Variants in KCNN3 observed in about 807,000 individuals in gnomAD.
KCNN3 encodes the protein small conductance calcium-activated potassium channel protein 3.
Under a neutral mutation model 62.9 loss-of-function variants are expected in KCNN3, and 16 were observed. That is an observed-to-expected ratio of 0.25 (90% CI 0.17 to 0.39). The LOEUF is 0.39. Ranked by LOEUF, KCNN3 falls within the 10% of genes least tolerant of loss-of-function variation. KCNN3 has a pLI of 1.00. For synonymous variants in KCNN3, 370 were observed against 389.2 expected (o/e 0.95, Z 0.58); for missense variants, 599 against 949.4 (o/e 0.63, Z 4.85).
intron 2 of KCNN3, among the ~76,000 whole-genome samples, chr1:154,810,829 G>A (rs1237192522): frequency 6.6e-6 from 1 of 152,204 alleles, no homozygotes; most frequent in Non-Finnish European, 1.5e-5. Flanking sequence ...TAGGAACCAG[G>A]GGTAGAAGAG....
At chr1:154,848,427 C>T (rs933657886) in intron 1 of KCNN3, among the ~76,000 whole-genome samples, 2 of 152,134 alleles carry the variant, frequency 1.3e-5, no homozygotes, top group African/African-American at 4.8e-5. Context: ...TTCCAGCTTC[C>T]TCTCTCTATA....
At chr1:154,733,174 T>C in intron 3 of KCNN3, 30 bp from the exon 4 acceptor site, 1 of 1,613,706 alleles carries the variant, frequency 6.2e-7, no homozygotes, top group Non-Finnish European at 8.5e-7. Flanking sequence ...AGTTAGTCGA[T>C]GAACAGCCAT....
At chr1:154,828,260 G>A (rs926970692) in intron 1 of KCNN3, among the ~76,000 whole-genome samples, 4 of 151,974 alleles carry the variant, frequency 2.6e-5, no homozygotes, top group South Asian at 4.2e-4. Flanking sequence ...AACCTTCTCC[G>A]AAGTTCAGTT....
intron 1 of KCNN3, among the ~76,000 whole-genome samples, chr1:154,840,533 T>C (rs1651781817): frequency 6.6e-6 from 1 of 152,242 alleles, no homozygotes; most frequent in African/African-American, 2.4e-5. Context: ...CCTCATTAAC[T>C]GAAGCCAATC....
chr1:154,816,594 C>T (rs781084928), intron 2 of KCNN3, among the ~76,000 whole-genome samples: 1 of 152,172 alleles, frequency 6.6e-6, no homozygotes, highest in African/African-American at 2.4e-5. Context: ...ACCCCTTATT[C>T]CATGCCTGGG....
chr1:154,735,189 G>A (rs1052784834), intron 3 of KCNN3, among the ~76,000 whole-genome samples: 2 of 152,182 alleles, frequency 1.3e-5, no homozygotes, highest in Non-Finnish European at 2.9e-5. Flanking sequence ...GAGGTGGGGT[G>A]ACCAGGCAAG....
chr1:154,729,807 CT>C (rs1265322469), intron 4 of KCNN3, among the ~76,000 whole-genome samples: 1 of 152,178 alleles, frequency 6.6e-6, no homozygotes, highest in East Asian at 1.9e-4. Context: ...TTTTTGCCTC[CT>C]CCCGAAATGA....
intron 2 of KCNN3, among the ~76,000 whole-genome samples, chr1:154,797,927 T>C (rs80025776): frequency 0.013 from 1,918 of 152,282 alleles, 20 homozygotes; most frequent in Non-Finnish European, 0.019. Context: ...GATGGTCTGA[T>C]GATGATCACT....
chr1:154,756,167 AGAG>A (rs1260977295), intron 3 of KCNN3, among the ~76,000 whole-genome samples: 2 of 99,398 alleles, frequency 2.0e-5, no homozygotes, highest in East Asian at 7.4e-4. Flanking sequence ...GAGAAGAAGA[AGAG>A]AAGAAGAGGT....
rs1022312521 is a variant in KCNN3, at chr1:154,809,285, G to A, written c.1029+12804C>T. ...TCATTTCACAGACTGTGAGTAACAC[G>A]AGACCGGGTCCAGTCTGTAGTTCAC... On this transcript the variant is annotated intron_variant, in intron 2 of 7. Coordinates refer to ENST00000271915, the MANE Select transcript of KCNN3 (RefSeq NM_002249.6). This position sits in a 1 kb window ranked among gnomAD's most constrained non-coding sequence, Gnocchi z 4.3. Among the ~76,000 whole-genome samples, 2 of 152,292 alleles carry A rather than the reference G, an allele frequency of 1.3e-5. No homozygotes were observed. The highest frequency in any genetic ancestry group is 2.1e-4 in the South Asian group (1 of 4,820).
intron 5 of KCNN3, among the ~76,000 whole-genome samples, chr1:154,725,658 C>T (rs1017174731): frequency 6.6e-6 from 1 of 151,990 alleles, no homozygotes; most frequent in African/African-American, 2.4e-5. Flanking sequence ...ATTCTCTTGC[C>T]TCAGCCTCCT....
intron 2 of KCNN3, among the ~76,000 whole-genome samples, chr1:154,782,556 A>T (rs1188929430): frequency 1.3e-5 from 2 of 151,876 alleles, no homozygotes; most frequent in Non-Finnish European, 2.9e-5. Context: ...AAACTTAATT[A>T]CCTCCCACAG....
intron 2 of KCNN3, among the ~76,000 whole-genome samples, chr1:154,780,493 C>T (rs1016271630): frequency 3.3e-4 from 49 of 148,946 alleles, no homozygotes; most frequent in Non-Finnish European, 5.9e-4. Context: ...AGAAGAACTT[C>T]CGGGAAAATT....
At chr1:154,865,839 GA>G (rs953724806) in intron 1 of KCNN3, among the ~76,000 whole-genome samples, 3 of 151,462 alleles carry the variant, frequency 2.0e-5, no homozygotes, top group Non-Finnish European at 4.4e-5. Flanking sequence ...ATCACCTGGG[GA>G]AAAAAAAAGT....
intron 3 of KCNN3, among the ~76,000 whole-genome samples, chr1:154,757,871 T>TA: frequency 6.6e-6 from 1 of 152,226 alleles, no homozygotes; most frequent in East Asian, 1.9e-4. Context: ...GAAAAAGAAA[T>TA]ACCTGGCTGC....
At chr1:154,714,363 A>G (rs373558879) in intron 6 of KCNN3, among the ~76,000 whole-genome samples, 99 of 47,034 alleles carry the variant, frequency 2.1e-3, no homozygotes, top group South Asian at 4.9e-3. Flanking sequence ...TGGTGTGTGT[A>G]TGGTTTGTGT....
intron 4 of KCNN3, among the ~76,000 whole-genome samples, chr1:154,731,021 C>G (rs1479793611): frequency 6.6e-6 from 1 of 152,138 alleles, no homozygotes; most frequent in Non-Finnish European, 1.5e-5. Flanking sequence ...GGTGCTGCTT[C>G]TTGGATGGGG....
At chr1:154,791,404 G>A (rs1339549745) in intron 2 of KCNN3, among the ~76,000 whole-genome samples, 5 of 151,728 alleles carry the variant, frequency 3.3e-5, no homozygotes, top group East Asian at 1.9e-4. Context: ...ATGTCTGCCC[G>A]CGACAGCTCA....
At position 154,869,419 on chromosome 1, in the gene KCNN3, A is replaced by G. The variant is rs1470077766; in HGVS notation, c.546T>C (p.Gly182=). Residue 182 remains glycine (G), a synonymous_variant, in exon 1 of 8, where the codon GGT becomes GGC. Coordinates refer to ENST00000271915, the MANE Select transcript of KCNN3 (RefSeq NM_002249.6). This position sits in a 1 kb window ranked among gnomAD's most constrained non-coding sequence, Gnocchi z 6.1. ...EIAMSSCKYS[G]GVMKPLSRLS... is the part of the protein sequence containing the mutation. ...GGCGGCTGAGGGGCTTCATGACCCC[A>G]CCGCTATACTTGCAGGAGCTCATGG... 1.2e-6 allele frequency: 2 copies of G among 1,613,934 alleles called. No individual in the cohort carries two copies. The highest frequency in any genetic ancestry group is 1.3e-5 in the African/African-American group (1 of 74,996).
Sources: gnomAD v4.1 joint callset for allele counts (sites outside exome capture counted in the v4.1 genomes callset) on GRCh38, gnomAD v4.1.1 for gene constraint, Gnocchi (gnomAD v3.1) non-coding constraint, MANE v1.5 for transcripts, NCBI Gene and HGNC (gene_info 2026-07-23, HGNC 2026-07-21) for gene names.